IL10RA: variants seen among roughly 807,000 people sequenced by gnomAD.
IL10RA encodes the protein interleukin 10 receptor subunit alpha, also known as interleukin-10 receptor subunit alpha.
IL10RA carries 18 observed loss-of-function variants against 29.6 expected under a neutral mutation model. The ratio of observed to expected loss-of-function variants is 0.61; its 90% CI spans 0.42 to 0.90. IL10RA has a LOEUF of 0.90. IL10RA is among the 40% of genes least tolerant of loss of function. IL10RA has a pLI of 0.00. For synonymous variants in IL10RA, 292 were observed against 294.1 expected (o/e 0.99, Z 0.07); for missense variants, 634 against 716.6 (o/e 0.88, Z 1.32).
Position 118,000,054 on chromosome 11 carries a change from A to G in IL10RA, c.*413A>G. 1 of 461,012 alleles carries G rather than the reference A, an allele frequency of 2.2e-6. No individual in the cohort carries two copies. The allele number at this position is 461,012 out of a possible 1,614,324, so 28.6% of individuals were successfully genotyped here. A position where few individuals can be genotyped will look rare whatever the true frequency, so the allele number is the denominator to read the frequency against. On this transcript the variant is annotated 3_prime_UTR_variant, in exon 7 of 7. Coordinates refer to ENST00000227752, the MANE Select transcript of IL10RA (RefSeq NM_001558.4). Reference sequence around the variant, plus strand: ...CAGACCTCCCTGCTTAGGCCACTCGAGCATCAGAGCTTCCAGCAGGAGGAA... The same window carrying G: ...CAGACCTCCCTGCTTAGGCCACTCGGGCATCAGAGCTTCCAGCAGGAGGAA...
chr11:117,998,129 G>A (rs986668587), intron 6 of IL10RA, among the ~76,000 whole-genome samples: 1 of 152,148 alleles, frequency 6.6e-6, no homozygotes, highest in African/African-American at 2.4e-5. Context: ...CACCATGTTC[G>A]CGTGAGTCAC....
rs150551465 is a variant in IL10RA at position 117,999,305 on chromosome 11, G to A, written c.1401G>A (p.Ser467=). 1.6e-4 allele frequency: 260 copies of A among 1,614,234 alleles called. No homozygotes were observed. In the African/African-American group the frequency reaches 2.5e-3, roughly 16 times the overall value. The change falls in exon 7 of 7, where the codon TCG becomes TCA. Residue 467 remains serine, a synonymous_variant. Coordinates refer to ENST00000227752, the MANE Select transcript of IL10RA (RefSeq NM_001558.4). ...ATKTGCLEEE[S]PLTDGLGPKF... is the part of the protein sequence containing the mutation. Reference sequence around the variant, plus strand: ...AGACAGGCTGCCTGGAGGAAGAATCGCCCTTGACAGATGGCCTTGGCCCCA... The same window carrying A: ...AGACAGGCTGCCTGGAGGAAGAATCACCCTTGACAGATGGCCTTGGCCCCA...
In IL10RA at chr11:117,989,364, TG is replaced by T; in HGVS notation, c.189-76del. ...TCTCCCAATGTGGGAGCTCTCTTCC[TG>T]GCCTCTTGCGTCTCCCTTAAAGGAG... On this transcript the variant is annotated intron_variant, in intron 2 of 6. Coordinates refer to ENST00000227752, the MANE Select transcript of IL10RA (RefSeq NM_001558.4). This position sits in a 1 kb window ranked among gnomAD's most constrained non-coding sequence, Gnocchi z 4.5. 1 of 1,316,574 alleles carries T rather than the reference TG, an allele frequency of 7.6e-7. No homozygotes were observed. Among genetic ancestry groups the T allele is most frequent in the Non-Finnish European group, 1.1e-6 (1 of 909,222 alleles). The allele number at this position is 1,316,574 out of a possible 1,614,324, so 81.6% of individuals were successfully genotyped here.
At position 117,995,614 on chromosome 11, in the gene IL10RA, C is replaced by A; in HGVS notation, c.714C>A (p.Ile238=). 6.2e-7 allele frequency: 1 copy of A among 1,614,240 alleles called. No homozygotes were observed. ...ATTTCACCGTGACCAACGTCATCATCTTCTTTGCCTTTGTCCTGCTGCTCT... is the reference window on the plus strand; with the variant it reads ...ATTTCACCGTGACCAACGTCATCATATTCTTTGCCTTTGTCCTGCTGCTCT... ...RQYFTVTNVI[I]FFAFVLLLSG... The change falls in exon 6 of 7, where the codon ATC becomes ATA. Residue 238 remains isoleucine, a synonymous_variant. Transcript: ENST00000227752.
At position 117,999,695 on chromosome 11, in the gene IL10RA, C is replaced by A; in HGVS notation, c.*54C>A. The A allele has an allele frequency of 6.7e-7, 1 of 1,503,664 alleles. No homozygotes were observed. The highest frequency in any genetic ancestry group is 9.2e-7 in the Non-Finnish European group (1 of 1,083,612). The allele number at this position is 1,503,664 out of a possible 1,614,324, so 93.1% of individuals were successfully genotyped here. On this transcript the variant is annotated 3_prime_UTR_variant, in exon 7 of 7. Transcript: ENST00000227752. ...AGCCATGCCTGCTCCTCTGCCTGGA[C>A]CAGGAGGAGGGCCCCTGGGGCAGAA...
chr11:117,991,715 G>A (rs1462313469), intron 3 of IL10RA, among the ~76,000 whole-genome samples: 2 of 152,092 alleles, frequency 1.3e-5, no homozygotes, highest in Non-Finnish European at 2.9e-5. Flanking sequence ...AGGTCCATCT[G>A]TGTTGTCCCA....
chr11:117,992,592 G>T (rs73009948), intron 3 of IL10RA, among the ~76,000 whole-genome samples: 8,108 of 152,214 alleles, frequency 0.053, 485 homozygotes, highest in East Asian at 0.34. Flanking sequence ...TTTTGGATAT[G>T]AACCCCTTAT....
At chr11:117,992,317 A>G (rs2512145) in intron 3 of IL10RA, among the ~76,000 whole-genome samples, 111,705 of 152,130 alleles carry the variant, frequency 0.73, 41,598 homozygotes, top group East Asian at 0.99. Context: ...CACCAGCGAC[A>G]TGCAAGGGTT....
intron 5 of IL10RA, 166 bp downstream of exon 5, chr11:117,994,315 G>A: frequency 3.2e-6 from 2 of 626,676 alleles, no homozygotes; most frequent in Non-Finnish European, 5.5e-6. Context: ...TCATTTTAGA[G>A]ATGAGGGAAC....
At chr11:117,988,130 A>C (rs2057998757) in intron 1 of IL10RA, 1 of 545,100 alleles carries the variant, frequency 1.8e-6, no homozygotes, top group South Asian at 2.0e-5. Context: ...GGTAGGCATC[A>C]GACTCAGCTT....
intron 3 of IL10RA, among the ~76,000 whole-genome samples, chr11:117,991,066 G>T (rs745755195): frequency 6.6e-6 from 1 of 151,964 alleles, no homozygotes; most frequent in East Asian, 1.9e-4. Context: ...GCGTGGTGGC[G>T]TGCACCTGTA....
In IL10RA at chr11:117,999,167, C is replaced by T. The variant is rs769118377; in HGVS notation, c.1263C>T (p.Ala421=). The change falls in exon 7 of 7, where the codon GCC becomes GCT. Residue 421 remains alanine, a synonymous_variant. Coordinates refer to ENST00000227752, the MANE Select transcript of IL10RA (RefSeq NM_001558.4). The part of the protein sequence containing the change: ...GRAGDTQGGS[A]LGHHSPPEPE... ...CTGGGGACACACAGGGTGGCTCGGC[C>T]TTGGGCCACCACAGTCCCCCGGAGC... The T allele has an allele frequency of 1.2e-6, 2 of 1,614,184 alleles. No homozygotes were observed. The highest frequency in any genetic ancestry group is 1.7e-6 in the Non-Finnish European group (2 of 1,180,002).
chr11:117,987,805 C>A (rs1045145406), intron 1 of IL10RA: 1 of 187,476 alleles, frequency 5.3e-6, no homozygotes, highest in Non-Finnish European at 1.1e-5. Context: ...TGTCCTTGCC[C>A]AGCCAGAGGT....
chr11:117,986,993 T>G, intron 1 of IL10RA: 2 of 488,482 alleles, frequency 4.1e-6, no homozygotes, highest in Non-Finnish European at 7.3e-6. Context: ...CTGATCCCCC[T>G]TGCTCCACCT....
rs56008037 is a variant in IL10RA, at chr11:117,986,475, C to G, written c.8C>G (p.Pro3Arg). 24 of 1,555,080 alleles carry G rather than the reference C, an allele frequency of 1.5e-5. No homozygotes were observed. The South Asian group carries it at 1.8e-4, about 12-fold the overall frequency. The part of the protein sequence containing the change: ML[P>R]CLVVLLAALL... ...CGATGCGGCGCGCCCAGGATGCTGC[C>G]GTGCCTCGTAGTGCTGCTGGCGGCG... The change falls in exon 1 of 7, where the codon CCG (proline) becomes CGG (arginine). Residue 3 changes from proline (P) to arginine (R), a missense_variant. Physicochemically the swap from Pro to Arg is moderately radical, Grantham distance 103. Coordinates refer to ENST00000227752, the MANE Select transcript of IL10RA (RefSeq NM_001558.4).
intron 3 of IL10RA, 134 bp from the exon 4 acceptor site, chr11:117,993,107 A>T: frequency 1.3e-6 from 1 of 771,480 alleles, no homozygotes; most frequent in Non-Finnish European, 2.3e-6. Flanking sequence ...TGCTGCATTG[A>T]CAAACCTGTG....
At position 117,999,749 on chromosome 11, in the gene IL10RA, T is replaced by C; in HGVS notation, c.*108T>C. The C allele has an allele frequency of 4.9e-6, 5 of 1,019,216 alleles. No individual in the cohort carries two copies. The highest frequency in any genetic ancestry group is 7.5e-6 in the Non-Finnish European group (5 of 664,890). The allele number at this position is 1,019,216 out of a possible 1,614,324, so 63.1% of individuals were successfully genotyped here. ...AGGCACGAGGCAGTCTGGGCACTTT[T>C]CTGCAAGTCCACTGGGGCTGGCCCC... On this transcript the variant is annotated 3_prime_UTR_variant, in exon 7 of 7. Coordinates refer to ENST00000227752, the MANE Select transcript of IL10RA (RefSeq NM_001558.4).
Position 117,986,826 on chromosome 11 carries a change from C to G in IL10RA, c.67+292C>G, listed in dbSNP as rs774531283. ...TTCTAGATGAGCCGTAAGTTTAGCTCTAGGTTTTTTGCTGTTTAGGTTCAA... is the reference window on the plus strand; with the variant it reads ...TTCTAGATGAGCCGTAAGTTTAGCTGTAGGTTTTTTGCTGTTTAGGTTCAA... On this transcript the variant is annotated intron_variant, in intron 1 of 6. Transcript: ENST00000227752. 4.7e-5 allele frequency: 70 copies of G among 1,492,480 alleles called. 1 individual carries two copies. In the South Asian group the frequency reaches 8.1e-4, roughly 17 times the overall value. The allele number at this position is 1,492,480 out of a possible 1,614,324, so 92.5% of individuals were successfully genotyped here. A position where few individuals can be genotyped will look rare whatever the true frequency, so the allele number is the denominator to read the frequency against.
chr11:117,993,561 A>G, intron 4 of IL10RA, 151 bp downstream of exon 4: 1 of 735,256 alleles, frequency 1.4e-6, no homozygotes, highest in East Asian at 2.7e-5. Context: ...AGTAGAAACC[A>G]CCTCAGCCCT....
Sources: allele counts gnomAD v4.1 joint callset (sites outside exome capture counted in the v4.1 genomes callset), GRCh38; gene constraint gnomAD v4.1.1; non-coding constraint Gnocchi (gnomAD v3.1); transcripts MANE v1.5; gene names NCBI Gene and HGNC (gene_info 2026-07-23, HGNC 2026-07-21).